Variants in NETO1 observed in about 807,000 individuals in gnomAD.
NETO1 encodes the protein neuropilin and tolloid-like protein 1.
Under a neutral mutation model 61.3 loss-of-function variants are expected in NETO1, and 26 were observed. That is an observed-to-expected ratio of 0.42 (90% confidence interval 0.31 to 0.59). The LOEUF (loss-of-function observed/expected upper bound fraction) is 0.59. NETO1 is among the 20% of genes least tolerant of loss of function. NETO1 has a pLI of 0.12. For missense variants in NETO1, 531 were observed against 662.8 expected, an observed-to-expected ratio of 0.80 and a Z score of 2.18; for synonymous variants, 225 against 225.8, an observed-to-expected ratio of 1.00 and a Z score of 0.03.
intron 7 of NETO1, among the ~76,000 whole-genome samples, chr18:72,776,738 C>T (rs1002210664): frequency 2.6e-5 from 4 of 152,192 alleles, no homozygotes; most frequent in African/African-American, 7.2e-5. Flanking sequence ...AACATCATCA[C>T]CTTCGGTAGG....
At chr18:72,833,676 T>C (rs897227457) in intron 4 of NETO1, among the ~76,000 whole-genome samples, 5 of 152,084 alleles carry the variant, frequency 3.3e-5, no homozygotes, top group African/African-American at 7.2e-5. Context: ...TTCTCAGTAG[T>C]GGGGTGAGAA....
At chr18:72,769,575 C>A (rs1323287737) in intron 7 of NETO1, among the ~76,000 whole-genome samples, 1 of 152,104 alleles carries the variant, frequency 6.6e-6, no homozygotes, top group Non-Finnish European at 1.5e-5. Flanking sequence ...CAAACCAGTA[C>A]ATATTTATTT....
At chr18:72,860,252 G>C (rs769837615) in intron 3 of NETO1, among the ~76,000 whole-genome samples, 3 of 152,182 alleles carry the variant, frequency 2.0e-5, no homozygotes, top group African/African-American at 4.8e-5. Flanking sequence ...CCTTTTCAGG[G>C]ACTAAGCCCC....
intron 7 of NETO1, among the ~76,000 whole-genome samples, chr18:72,781,688 A>G (rs2071746042): frequency 6.6e-6 from 1 of 152,216 alleles, no homozygotes; most frequent in Admixed American, 6.5e-5. Context: ...ATAACTGTCT[A>G]ACACACTTAA....
At chr18:72,851,345 A>C (rs2074242746) in intron 4 of NETO1, among the ~76,000 whole-genome samples, 1 of 151,730 alleles carries the variant, frequency 6.6e-6, no homozygotes, top group Admixed American at 6.6e-5. Context: ...CGGGAGAAGG[A>C]GGTTGTGGTG....
At chr18:72,826,500 C>A (rs12957434) in intron 4 of NETO1, among the ~76,000 whole-genome samples, 49,598 of 150,902 alleles carry the variant, frequency 0.33, 10,186 homozygotes, top group Non-Finnish European at 0.44. Context: ...TTATTTTGAC[C>A]CTCATATTTT....
chr18:72,830,717 T>C lies in NETO1; in HGVS notation c.469+28109A>G, dbSNP rs557267948. Among the ~76,000 whole-genome samples the C allele has an allele frequency of 1.3e-5, 2 of 152,286 alleles. No homozygotes were observed. The highest frequency in any genetic ancestry group is 4.1e-4 in the South Asian group (2 of 4,824). ...GAGTCTTGCATAAAGCAACAAAAGA[T>C]GAATTTTAACCACCTCCACTTTGAC... On this transcript the variant is annotated intron_variant, in intron 4 of 10. Coordinates refer to ENST00000327305, the MANE Select transcript of NETO1 (RefSeq NM_138966.5). The surrounding 1 kb of genome is among the most constrained non-coding windows in gnomAD (Gnocchi z 4.9).
rs73966668 is a variant in NETO1 at position 72,810,698 on chromosome 18, T to C, written c.470-16294A>G. On this transcript the variant is annotated intron_variant, in intron 4 of 10. Coordinates refer to ENST00000327305, the MANE Select transcript of NETO1 (RefSeq NM_138966.5). ...AAGACACAGCTGTTTATGAGATACC[T>C]GCTCAATCTGTAGTTCCTCGCTCGT... Among the ~76,000 whole-genome samples, 976 of 152,308 alleles carry C rather than the reference T, an allele frequency of 6.4e-3. 10 individuals are homozygous for C. The highest frequency in any genetic ancestry group is 0.022 in the African/African-American group (922 of 41,556).
intron 8 of NETO1, among the ~76,000 whole-genome samples, chr18:72,751,024 C>T (rs2070593295): frequency 1.4e-5 from 2 of 144,732 alleles, no homozygotes; most frequent in South Asian, 4.4e-4. Context: ...GCCCCCCTCC[C>T]CATCGTCCAG....
intron 4 of NETO1, among the ~76,000 whole-genome samples, chr18:72,833,569 C>G (rs1332720562): frequency 6.6e-6 from 1 of 152,178 alleles, no homozygotes; most frequent in Admixed American, 6.6e-5. Flanking sequence ...CCGTCTCTCA[C>G]TAACTCCCTG....
At chr18:72,841,479 C>A (rs1443940122) in intron 4 of NETO1, among the ~76,000 whole-genome samples, 2 of 151,966 alleles carry the variant, frequency 1.3e-5, no homozygotes, top group African/African-American at 2.4e-5. Context: ...ACGTCTGCAA[C>A]CCCAACACTT....
intron 7 of NETO1, among the ~76,000 whole-genome samples, chr18:72,757,496 C>T (rs1486449589): frequency 6.6e-6 from 1 of 152,016 alleles, no homozygotes; most frequent in Non-Finnish European, 1.5e-5. Flanking sequence ...CCCCTACCTC[C>T]TCCCCCAACC....
At chr18:72,834,974 A>G (rs1445082732) in intron 4 of NETO1, 1 of 812,198 alleles carries the variant, frequency 1.2e-6, no homozygotes, top group Admixed American at 6.3e-5. Flanking sequence ...ATTTAACACA[A>G]TATTACATAA....
intron 7 of NETO1, among the ~76,000 whole-genome samples, chr18:72,777,435 AC>A (rs1364464932): frequency 4.2e-5 from 4 of 95,416 alleles, no homozygotes; most frequent in African/African-American, 2.3e-4. Context: ...AAAAAACAAA[AC>A]AACAACAAAA....
intron 4 of NETO1, among the ~76,000 whole-genome samples, chr18:72,819,303 G>T (rs2073121345): frequency 6.6e-6 from 1 of 152,106 alleles, no homozygotes; most frequent in East Asian, 1.9e-4. Context: ...CATTTCATTG[G>T]AATGGTGTAT....
At chr18:72,813,978 T>G (rs972435675) in intron 4 of NETO1, among the ~76,000 whole-genome samples, 3 of 152,010 alleles carry the variant, frequency 2.0e-5, no homozygotes, top group Non-Finnish European at 4.4e-5. Flanking sequence ...CTGATTTCAG[T>G]GGCACCCGGG....
chr18:72,843,349 A>T (rs754748001), intron 4 of NETO1, among the ~76,000 whole-genome samples: 5 of 152,224 alleles, frequency 3.3e-5, no homozygotes, highest in Non-Finnish European at 7.3e-5. Flanking sequence ...ACGAATAGAA[A>T]AAAAGTTACT....
chr18:72,826,026 A>G (rs913804961), intron 4 of NETO1, among the ~76,000 whole-genome samples: 1 of 147,232 alleles, frequency 6.8e-6, no homozygotes, highest in African/African-American at 2.7e-5. Context: ...GATCAAATAT[A>G]TTCATTATCT....
At chr18:72,833,146 T>C (rs1291862453) in intron 4 of NETO1, among the ~76,000 whole-genome samples, 2 of 152,170 alleles carry the variant, frequency 1.3e-5, no homozygotes, top group Non-Finnish European at 2.9e-5. Context: ...TAATCATCGG[T>C]AGAACTGGAG....
Sources: gnomAD v4.1 joint callset for allele counts (sites outside exome capture counted in the v4.1 genomes callset) on GRCh38, gnomAD v4.1.1 for gene constraint, Gnocchi (gnomAD v3.1) non-coding constraint, MANE v1.5 for transcripts, NCBI Gene and HGNC (gene_info 2026-07-23, HGNC 2026-07-21) for gene names.